The following STRADA variants were observed in gnomAD, a reference collection of about 807,000 sequenced individuals.
STRADA encodes STE20-related kinase adapter protein alpha.
In STRADA, 26 loss-of-function variants were observed where a neutral mutation model predicts 55.0. The ratio of observed to expected loss-of-function variants is 0.47; its 90% confidence interval spans 0.35 to 0.66. The LOEUF is 0.66. STRADA is among the 30% of genes least tolerant of loss of function. The pLI is 0.01. For missense variants in STRADA, 443 were observed against 549.7 expected (o/e 0.81, Z 1.94); for synonymous variants, 197 against 210.9 (o/e 0.93, Z 0.57).
chr17:63,707,196 C>A, intron 9 of STRADA, 51 bp downstream of exon 9: 1 of 1,603,374 alleles, frequency 6.2e-7, no homozygotes, highest in South Asian at 1.1e-5. Flanking sequence ...TGAAGGCTCC[C>A]TTGGGAATCA....
At chr17:63,713,875 A>C (rs578130470) in intron 5 of STRADA, 131 bp downstream of exon 5, 35 of 768,716 alleles carry the variant, frequency 4.6e-5, no homozygotes, top group Non-Finnish European at 7.5e-5. Context: ...GACCCACAGA[A>C]GCAAGTCTGT....
intron 1 of STRADA, among the ~76,000 whole-genome samples, chr17:63,730,901 C>CA (rs1300502013): frequency 2.6e-5 from 4 of 151,992 alleles, no homozygotes; most frequent in Non-Finnish European, 5.9e-5. Flanking sequence ...CTCAGCCTCC[C>CA]AAAGTGCTAG....
At chr17:63,734,973 C>T (rs746329099) in intron 1 of STRADA, among the ~76,000 whole-genome samples, 5 of 152,156 alleles carry the variant, frequency 3.3e-5, no homozygotes, top group Admixed American at 6.5e-5. Context: ...GCCTGACCAA[C>T]AGGGAGAAAC....
chr17:63,707,754 G>A (rs1348651757), intron 8 of STRADA, among the ~76,000 whole-genome samples: 6 of 150,062 alleles, frequency 4.0e-5, no homozygotes, highest in Non-Finnish European at 8.9e-5. Flanking sequence ...TTTTTGAGAC[G>A]GAGTCTTGCT....
At chr17:63,728,735 T>TAA (rs36091754) in intron 1 of STRADA, among the ~76,000 whole-genome samples, 216 of 111,516 alleles carry the variant, frequency 1.9e-3, no homozygotes, top group Non-Finnish European at 3.0e-3. Flanking sequence ...CCCATCTCTA[T>TAA]AAAAAAAAAA....
At chr17:63,716,212 C>T (rs2143961776) in intron 4 of STRADA, among the ~76,000 whole-genome samples, 1 of 151,904 alleles carries the variant, frequency 6.6e-6, no homozygotes, top group East Asian at 1.9e-4. Flanking sequence ...TCTCCTGCCT[C>T]AGCCTCCCAG....
intron 2 of STRADA, 78 bp from the exon 3 acceptor site, chr17:63,726,773 A>G (rs1277022504): frequency 3.5e-6 from 5 of 1,418,706 alleles, no homozygotes; most frequent in South Asian, 1.2e-5. Context: ...TAGACAGACA[A>G]ACAAAATCCC....
At position 63,707,426 on chromosome 17, in the gene STRADA, A is replaced by G; in HGVS notation, c.582-8T>C. ...TGGCTGGCTTTGACACTCCTGGGGA[A>G]GCGGGGAGGGTGTCATGTCGAGAGC... On this transcript the variant is annotated splice_polypyrimidine_tract_variant and splice_region_variant and intron_variant, in intron 8 of 12. Transcript: ENST00000336174. 6.2e-7 allele frequency: 1 copy of G among 1,611,560 alleles called. No individual in the cohort carries two copies.
intron 1 of STRADA, among the ~76,000 whole-genome samples, chr17:63,736,971 G>A (rs1317720540): frequency 1.3e-5 from 2 of 151,634 alleles, no homozygotes; most frequent in Non-Finnish European, 2.9e-5. Flanking sequence ...TAGCATGGCT[G>A]GGCACAGTGG....
chr17:63,726,656 C>T lies in STRADA; in HGVS notation c.76G>A (p.Asp26Asn), dbSNP rs2037680923. ...SEKFIVEGLRDLELFGEQPPG... is the reference protein window; with the variant it reads ...SEKFIVEGLRNLELFGEQPPG... ...TACTTACCTCCAAATAGTTCCAAAT[C>T]TCTTAAGCCCTCAACAATGAACTTT... The change falls in exon 3 of 13, where the codon GAT becomes AAT. Residue 26 changes from aspartate to asparagine, a missense_variant. By Grantham distance (23) the Asp-to-Asn change is conservative. Coordinates refer to ENST00000336174, the MANE Select transcript of STRADA (RefSeq NM_001003787.4). The T allele has an allele frequency of 6.2e-7, 1 of 1,614,036 alleles. No individual in the cohort carries two copies. Among genetic ancestry groups the T allele is most frequent in the African/African-American group, 1.3e-5 (1 of 75,038 alleles).
At position 63,714,028 on chromosome 17, in the gene STRADA, A is replaced by G. The variant is rs1598188364; in HGVS notation, c.204T>C (p.Cys68=). The G allele has an allele frequency of 6.2e-7, 1 of 1,613,782 alleles. No homozygotes were observed. Among genetic ancestry groups the G allele is most frequent in the South Asian group, 1.1e-5 (1 of 91,080 alleles). Reference sequence around the variant, plus strand: ...TACCTATCACAGTGAGCAGCTCGTAACACCCTCCCTCTGGCAGAAAGCTAC... The same window carrying G: ...TACCTATCACAGTGAGCAGCTCGTAGCACCCTCCCTCTGGCAGAAAGCTAC... ...VMSSFLPEGG[C]YELLTVIGKG... Residue 68 remains cysteine (C), a synonymous_variant, in exon 5 of 13, where the codon TGT becomes TGC. Coordinates refer to ENST00000336174, the MANE Select transcript of STRADA (RefSeq NM_001003787.4).
At position 63,740,145 on chromosome 17, in the gene STRADA, T is replaced by TACACACAC. The variant is rs753964028; in HGVS notation, c.-45+1595_-45+1596insGTGTGTGT. Among the ~76,000 whole-genome samples, 58 of 42,892 alleles carry TACACACAC rather than the reference T, an allele frequency of 1.4e-3. 1 individual carries two copies. Among genetic ancestry groups the TACACACAC allele is most frequent in the African/African-American group, 2.8e-3 (33 of 11,894 alleles). 28.1% of individuals were successfully genotyped at this position (42,892 alleles called of 152,430 possible). On this transcript the variant is annotated intron_variant, in intron 1 of 12. Coordinates refer to ENST00000336174, the MANE Select transcript of STRADA (RefSeq NM_001003787.4). ...ATATATATACACATACATATATATA[T>TACACACAC]ATACACACACACACACACACACACA...
rs2035834235 is a variant in STRADA at position 63,703,106 on chromosome 17, C to G, written c.*493G>C. The G allele has an allele frequency of 6.3e-6, 1 of 158,840 alleles. No homozygotes were observed. Among genetic ancestry groups the G allele is most frequent in the Non-Finnish European group, 1.4e-5 (1 of 71,702 alleles). 9.8% of individuals were successfully genotyped at this position (158,840 alleles called of 1,614,324 possible). On this transcript the variant is annotated 3_prime_UTR_variant, in exon 13 of 13. Coordinates refer to ENST00000336174, the MANE Select transcript of STRADA (RefSeq NM_001003787.4). ...CTGTGCTTAAAAAGACAGAAATGCC[C>G]TTCTCTGGAATTATGAGGGAGAGGT...
chr17:63,723,390 A>G (rs2037440557), intron 3 of STRADA, 64 bp from the exon 4 acceptor site: 1 of 1,589,360 alleles, frequency 6.3e-7, no homozygotes, highest in Non-Finnish European at 8.6e-7. Flanking sequence ...CACATTCAGA[A>G]CAGCAATTAT....
intron 1 of STRADA, among the ~76,000 whole-genome samples, chr17:63,738,272 C>T (rs1375934979): frequency 7.4e-6 from 1 of 134,582 alleles, no homozygotes; most frequent in Non-Finnish European, 1.5e-5. Flanking sequence ...AACCGGGAGG[C>T]GGAGGTTGTA....
At chr17:63,705,944 G>A (rs906560476) in intron 10 of STRADA, 3 of 152,156 alleles carry the variant, frequency 2.0e-5, no homozygotes, top group Non-Finnish European at 2.9e-5. Flanking sequence ...CCCTACCACC[G>A]GGCAAGCAGC....
intron 8 of STRADA, among the ~76,000 whole-genome samples, chr17:63,708,662 GTAGC>G (rs1771421905): frequency 1.3e-5 from 2 of 152,244 alleles, no homozygotes; most frequent in Admixed American, 1.3e-4. Context: ...AGCCTCCTGA[GTAGC>G]TGGGATTACA....
intron 12 of STRADA, 37 bp downstream of exon 12, chr17:63,703,956 TGTTAGAACCAGA>T (rs2035885780): frequency 1.9e-6 from 3 of 1,604,172 alleles, no homozygotes; most frequent in Non-Finnish European, 2.6e-6. Context: ...GATTGTGAGT[TGTTAGAACCAGA>T]ACTAGAACCA....
chr17:63,704,586 G>T lies in STRADA; in HGVS notation c.859-4C>A, dbSNP rs370488547. On this transcript the variant is annotated splice_region_variant and splice_polypyrimidine_tract_variant and intron_variant, in intron 10 of 12. Coordinates refer to ENST00000336174, the MANE Select transcript of STRADA (RefSeq NM_001003787.4). ...CGTTCAGTTTCTCTAGCAGCATCTG[G>T]GGAGGACAGAACCAGGACCTGGGCT... 4 of 1,412,586 alleles carry T rather than the reference G, an allele frequency of 2.8e-6. No individual in the cohort carries two copies. Among genetic ancestry groups the T allele is most frequent in the Non-Finnish European group, 3.7e-6 (4 of 1,069,626 alleles). The allele number at this position is 1,412,586 out of a possible 1,614,324, so 87.5% of individuals were successfully genotyped here.
Sources: gnomAD v4.1 joint callset for allele counts (sites outside exome capture counted in the v4.1 genomes callset) on GRCh38, gnomAD v4.1.1 for gene constraint, MANE v1.5 for transcripts, NCBI Gene and HGNC (gene_info 2026-07-23, HGNC 2026-07-21) for gene names.